The following CUL3 variants were observed in gnomAD, a reference collection of about 807,000 sequenced individuals.
CUL3 encodes cullin-3.
In CUL3, 19 loss-of-function variants were observed where a neutral mutation model predicts 89.1. The ratio of observed to expected loss-of-function variants is 0.21; its 90% CI spans 0.15 to 0.31. The LOEUF is 0.31. CUL3 is among the 10% of genes least tolerant of loss of function. The probability of loss-of-function intolerance (pLI) is 1.00; values close to 1 mark genes in which losing one functional copy is unlikely to be tolerated. For missense variants in CUL3, 469 were observed against 942.3 expected, an observed-to-expected ratio of 0.50 and a Z score of 6.58; for synonymous variants, 351 against 308.4, an observed-to-expected ratio of 1.14 and a Z score of -1.45.
intron 10 of CUL3, among the ~76,000 whole-genome samples, 164 bp downstream of exon 10, chr2:224,502,801 G>A (rs985641196): frequency 6.6e-6 from 1 of 152,230 alleles, no homozygotes; most frequent in East Asian, 1.9e-4. Flanking sequence ...CATAAACACA[G>A]AATAAGAGGC....
chr2:224,478,320 G>A lies in CUL3; in HGVS notation c.2055C>T (p.Asp685=), dbSNP rs1236369670. 1.2e-6 allele frequency: 2 copies of A among 1,612,904 alleles called. No individual in the cohort carries two copies. Among genetic ancestry groups the A allele is most frequent in the South Asian group, 2.2e-5 (2 of 90,824 alleles). Residue 685 remains aspartate, a synonymous_variant, in exon 15 of 16, where the codon GAC becomes GAT. Coordinates refer to ENST00000264414, the MANE Select transcript of CUL3 (RefSeq NM_003590.5). ...QTVAAKQGES[D]PERKETRQKV... ...TCTGCCTTGTTTCTTTCCTCTCTGG[G>A]TCGGATTCACCTTGTTTGGCAGCAA...
At chr2:224,540,689 A>G (rs1327317022) in intron 2 of CUL3, among the ~76,000 whole-genome samples, 1 of 152,154 alleles carries the variant, frequency 6.6e-6, no homozygotes, top group Non-Finnish European at 1.5e-5. Flanking sequence ...TTTCTTCTAA[A>G]AAACAAACAA....
intron 1 of CUL3, among the ~76,000 whole-genome samples, chr2:224,580,061 T>C (rs763263194): frequency 3.9e-5 from 6 of 152,188 alleles, no homozygotes; most frequent in Non-Finnish European, 7.4e-5. Context: ...TGGGGCAGAA[T>C]TATTTGATCC....
intron 3 of CUL3, among the ~76,000 whole-genome samples, chr2:224,527,738 C>T (rs1247340969): frequency 1.3e-5 from 2 of 152,196 alleles, no homozygotes; most frequent in East Asian, 3.9e-4. Context: ...GTTTCTCATT[C>T]TCACTAGATC....
chr2:224,568,424 G>T (rs954428928), intron 1 of CUL3, among the ~76,000 whole-genome samples: 1 of 152,178 alleles, frequency 6.6e-6, no homozygotes, highest in African/African-American at 2.4e-5. Context: ...CACACAGAAG[G>T]TTGTAAACAA....
chr2:224,584,182 G>C (rs1409765182), intron 1 of CUL3, among the ~76,000 whole-genome samples: 2 of 152,138 alleles, frequency 1.3e-5, no homozygotes, highest in Non-Finnish European at 2.9e-5. Flanking sequence ...CACTGAAAGC[G>C]ATGAAACAAA....
intron 2 of CUL3, among the ~76,000 whole-genome samples, chr2:224,539,954 T>A (rs1203299037): frequency 6.6e-6 from 1 of 151,692 alleles, no homozygotes; most frequent in African/African-American, 2.4e-5. Flanking sequence ...TCATCAATTG[T>A]AATAAATGTA....
intron 2 of CUL3, among the ~76,000 whole-genome samples, chr2:224,539,943 T>G (rs1430863828): frequency 6.6e-6 from 1 of 152,046 alleles, no homozygotes; most frequent in African/African-American, 2.4e-5. Context: ...TCAATGTAGG[T>G]TCATCAATTG....
chr2:224,520,513 C>T (rs181034791), intron 3 of CUL3, among the ~76,000 whole-genome samples: 6 of 152,312 alleles, frequency 3.9e-5, no homozygotes, highest in Admixed American at 2.0e-4. Flanking sequence ...AAATAAATAG[C>T]TTTTAAGACC....
chr2:224,557,022 T>C (rs1049249846), intron 2 of CUL3, among the ~76,000 whole-genome samples: 1 of 152,132 alleles, frequency 6.6e-6, no homozygotes, highest in Non-Finnish European at 1.5e-5. Context: ...TGTGTGGTAT[T>C]TCACATTTTA....
chr2:224,479,292 T>A (rs1448333813), intron 14 of CUL3: 1 of 151,834 alleles, frequency 6.6e-6, no homozygotes, highest in East Asian at 1.9e-4. Context: ...CTAATTAGAA[T>A]CCTTTGGATA....
intron 3 of CUL3, among the ~76,000 whole-genome samples, chr2:224,535,001 A>AAAT (rs1693831655): frequency 3.0e-5 from 4 of 133,160 alleles, no homozygotes; most frequent in Non-Finnish European, 4.8e-5. Context: ...ACCCCGTCTC[A>AAAT]AAATAAATAA....
intron 2 of CUL3, among the ~76,000 whole-genome samples, chr2:224,549,845 T>C (rs776454203): frequency 2.6e-5 from 4 of 152,046 alleles, no homozygotes; most frequent in African/African-American, 4.8e-5. Context: ...CTGACTTACA[T>C]ATACACATAT....
At chr2:224,504,491 T>G (rs894105407) in intron 8 of CUL3, among the ~76,000 whole-genome samples, 25 of 152,246 alleles carry the variant, frequency 1.6e-4, no homozygotes, top group African/African-American at 6.0e-4. Context: ...GTATTTTTAG[T>G]AGAGATGGGT....
chr2:224,581,446 G>A (rs1695435056), intron 1 of CUL3, among the ~76,000 whole-genome samples: 1 of 150,036 alleles, frequency 6.7e-6, no homozygotes, highest in Admixed American at 6.6e-5. Flanking sequence ...TAGTAATCAT[G>A]TCAGAATGTA....
chr2:224,552,142 C>A (rs1025751934), intron 2 of CUL3, among the ~76,000 whole-genome samples: 1 of 152,164 alleles, frequency 6.6e-6, no homozygotes, highest in Non-Finnish European at 1.5e-5. Context: ...TTACAGGATA[C>A]CTTTGACACT....
At chr2:224,524,575 AG>A (rs1477621032) in intron 3 of CUL3, among the ~76,000 whole-genome samples, 1 of 152,208 alleles carries the variant, frequency 6.6e-6, no homozygotes, top group Non-Finnish European at 1.5e-5. Flanking sequence ...CTCTGTGAAT[AG>A]GTATGTCCTG....
At chr2:224,570,259 A>T (rs1257077340) in intron 1 of CUL3, among the ~76,000 whole-genome samples, 15 of 152,216 alleles carry the variant, frequency 9.9e-5, no homozygotes. Flanking sequence ...TTTATCCATC[A>T]ATTATTCCTT....
intron 3 of CUL3, among the ~76,000 whole-genome samples, chr2:224,517,183 C>T (rs72972387): frequency 0.13 from 19,868 of 152,008 alleles, 1,681 homozygotes; most frequent in Non-Finnish European, 0.19. Flanking sequence ...CAGAAAAGCA[C>T]CAGAGACAGG....
Sources: allele counts gnomAD v4.1 joint callset (sites outside exome capture counted in the v4.1 genomes callset), GRCh38; gene constraint gnomAD v4.1.1; transcripts MANE v1.5; gene names NCBI Gene and HGNC (gene_info 2026-07-23, HGNC 2026-07-21).